Variants in ETFA observed in about 807,000 individuals in gnomAD.
ETFA encodes the protein electron transfer flavoprotein subunit alpha, mitochondrial.
A neutral mutation model predicts 46.2 loss-of-function variants in ETFA; 22 were observed. That is an observed-to-expected ratio of 0.48 (90% CI 0.34 to 0.68). ETFA has a LOEUF of 0.68. Among genes scored for constraint, ETFA ranks in the 30% least tolerant of loss-of-function variants. The probability of loss-of-function intolerance (pLI) is 0.01; values close to 1 mark genes in which losing one functional copy is unlikely to be tolerated. For missense variants in ETFA, 345 were observed against 401.1 expected (o/e 0.86, Z 1.19); for synonymous variants, 131 against 139.9 (o/e 0.94, Z 0.45).
At position 76,311,223 on chromosome 15, in the gene ETFA, C is replaced by A. The variant is rs1417358779; in HGVS notation, c.39+127G>T. 6 of 1,129,742 alleles carry A rather than the reference C, an allele frequency of 5.3e-6. No homozygotes were observed. In the Admixed American group the frequency reaches 1.3e-4, roughly 24 times the overall value. The allele number at this position is 1,129,742 out of a possible 1,614,324, so 70.0% of individuals were successfully genotyped here. ...CAGAACTTTGGACCCAAGTCCCAGGCGGGGACCGGCCTGCGGGCGCGAGGG... is the reference window on the plus strand; with the variant it reads ...CAGAACTTTGGACCCAAGTCCCAGGAGGGGACCGGCCTGCGGGCGCGAGGG... On this transcript the variant is annotated intron_variant, in intron 1 of 11. Transcript: ENST00000557943.
intron 9 of ETFA, among the ~76,000 whole-genome samples, chr15:76,249,150 C>T (rs2039271507): frequency 3.0e-5 from 4 of 131,402 alleles, no homozygotes; most frequent in South Asian, 4.6e-4. Flanking sequence ...TTTTTTGAGA[C>T]GGAGTTTCTC....
chr15:76,231,387 A>C lies in ETFA; in HGVS notation c.828T>G (p.Ile276Met). ...TGKIVAPELY[I>M]AVGISGAIQH... ...GGATGGCTCCAGATATTCCAACAGC[A>C]ATATAAAGTTCCTGAAATAAAAGAG... is the stretch of plus-strand genomic sequence containing the variant. Residue 276 changes from isoleucine (I) to methionine (M), a missense_variant, in exon 10 of 12, where the codon ATT becomes ATG. Transcript: ENST00000557943. 1 of 1,599,178 alleles carries C rather than the reference A, an allele frequency of 6.3e-7. No individual in the cohort carries two copies.
chr15:76,265,684 AC>A (rs1248916297), intron 9 of ETFA, among the ~76,000 whole-genome samples: 1 of 152,082 alleles, frequency 6.6e-6, no homozygotes, highest in Non-Finnish European at 1.5e-5. Flanking sequence ...CTATTATTAC[AC>A]CTATTCCTGT....
intron 11 of ETFA, among the ~76,000 whole-genome samples, chr15:76,221,768 G>A (rs1383131954): frequency 6.6e-6 from 1 of 152,144 alleles, no homozygotes. Flanking sequence ...CTAGTATGTG[G>A]CCAAGGCAGA....
chr15:76,306,458 GT>G (rs1299666199), intron 1 of ETFA, among the ~76,000 whole-genome samples: 1 of 151,572 alleles, frequency 6.6e-6, no homozygotes, highest in African/African-American at 2.4e-5. Flanking sequence ...GTAGAGACGG[GT>G]TTCACCATGT....
At chr15:76,268,189 CAAAAA>C (rs57096514) in intron 9 of ETFA, among the ~76,000 whole-genome samples, 7 of 107,072 alleles carry the variant, frequency 6.5e-5, no homozygotes, top group Admixed American at 2.0e-4. Context: ...CCAGCTACAG[CAAAAA>C]AAAAAAAAAA....
At chr15:76,280,708 G>A (rs535793958) in intron 8 of ETFA, among the ~76,000 whole-genome samples, 80 of 152,216 alleles carry the variant, frequency 5.3e-4, no homozygotes, top group African/African-American at 1.9e-3. Context: ...ATCTGGTCTT[G>A]TGTTGCCTCC....
At chr15:76,223,393 T>C (rs1567194971) in intron 11 of ETFA, among the ~76,000 whole-genome samples, 2 of 151,880 alleles carry the variant, frequency 1.3e-5, no homozygotes, top group African/African-American at 4.8e-5. Context: ...AATGTGTTTT[T>C]CACAGTTTTA....
At chr15:76,277,574 C>A (rs62027010) in intron 8 of ETFA, among the ~76,000 whole-genome samples, 14,480 of 152,140 alleles carry the variant, frequency 0.095, 836 homozygotes, top group Middle Eastern at 0.15. Context: ...ACGATCTTGG[C>A]TCACTGCAAC....
intron 1 of ETFA, among the ~76,000 whole-genome samples, 189 bp downstream of exon 1, chr15:76,311,161 C>A (rs761177971): frequency 2.0e-5 from 3 of 152,238 alleles, no homozygotes; most frequent in Non-Finnish European, 4.4e-5. Context: ...GACTTCTGCC[C>A]CGAACTGGCG....
intron 1 of ETFA, among the ~76,000 whole-genome samples, chr15:76,298,852 A>G (rs8030454): frequency 0.29 from 43,575 of 152,110 alleles, 6,716 homozygotes; most frequent in East Asian, 0.58. Flanking sequence ...AAAATTCTAT[A>G]ACTCTAAAAT....
At chr15:76,307,473 A>C (rs1323982238) in intron 1 of ETFA, among the ~76,000 whole-genome samples, 1 of 151,802 alleles carries the variant, frequency 6.6e-6, no homozygotes, top group Non-Finnish European at 1.5e-5. Context: ...GAATACATAA[A>C]ATTTACCATC....
intron 9 of ETFA, among the ~76,000 whole-genome samples, chr15:76,264,733 A>C (rs2039452799): frequency 6.6e-6 from 1 of 152,246 alleles, no homozygotes; most frequent in African/African-American, 2.4e-5. Flanking sequence ...GGTAACTTAC[A>C]TAAGGCTACT....
intron 9 of ETFA, among the ~76,000 whole-genome samples, chr15:76,232,972 AG>A (rs1197838825): frequency 6.6e-6 from 1 of 152,220 alleles, no homozygotes; most frequent in East Asian, 1.9e-4. Flanking sequence ...AACCTGGAAA[AG>A]GAAACAATCT....
intron 9 of ETFA, among the ~76,000 whole-genome samples, chr15:76,235,581 G>C (rs1045952857): frequency 6.6e-6 from 1 of 152,160 alleles, no homozygotes; most frequent in African/African-American, 2.4e-5. Flanking sequence ...TACTGTTGTT[G>C]ATATTCTTAC....
At chr15:76,222,190 T>C (rs1350997254) in intron 11 of ETFA, among the ~76,000 whole-genome samples, 2 of 149,540 alleles carry the variant, frequency 1.3e-5, no homozygotes, top group African/African-American at 2.4e-5. Context: ...TATATGTTTC[T>C]TAATGTTATA....
chr15:76,271,591 A>G lies in ETFA; in HGVS notation c.816+2821T>C, dbSNP rs373125608. Among the ~76,000 whole-genome samples, 5 of 152,342 alleles carry G rather than the reference A, an allele frequency of 3.3e-5. No homozygotes were observed. The South Asian group carries it at 8.3e-4, about 25-fold the overall frequency. On this transcript the variant is annotated intron_variant, in intron 9 of 11. Transcript: ENST00000557943. ...TCTGCACTATATCCTTTTGCTATAA[A>G]GGACATTTTTGGAATAACAGGCAAA...
chr15:76,228,417 C>A (rs902175011), intron 10 of ETFA, among the ~76,000 whole-genome samples: 1 of 152,134 alleles, frequency 6.6e-6, no homozygotes, highest in Non-Finnish European at 1.5e-5. Flanking sequence ...AACTCCTGGA[C>A]TCAAGTGATC....
chr15:76,295,511 A>C, intron 2 of ETFA, 80 bp downstream of exon 2: 1 of 1,247,012 alleles, frequency 8.0e-7, no homozygotes, highest in Non-Finnish European at 1.2e-6. Context: ...TACAATCCTA[A>C]GCATAATTCT....
Sources: gnomAD v4.1 joint callset for allele counts (sites outside exome capture counted in the v4.1 genomes callset) on GRCh38, gnomAD v4.1.1 for gene constraint, MANE v1.5 for transcripts, NCBI Gene and HGNC (gene_info 2026-07-23, HGNC 2026-07-21) for gene names.